The following ERLIN1 variants were observed in gnomAD, a reference collection of about 807,000 sequenced individuals.
The protein encoded by ERLIN1 is ER lipid raft associated 1.
A neutral mutation model predicts 46.9 loss-of-function variants in ERLIN1; 24 were observed. The observed-to-expected ratio is 0.51, with a 90% CI of 0.37 to 0.72. The LOEUF is 0.72. Among genes scored for constraint, ERLIN1 ranks in the 30% least tolerant of loss-of-function variants. The pLI is 0.00. For synonymous variants in ERLIN1, 158 were observed against 143.2 expected, an observed-to-expected ratio of 1.10 and a Z score of -0.74; for missense variants, 293 against 417.9, an observed-to-expected ratio of 0.70 and a Z score of 2.61.
rs1304672081 is a variant in ERLIN1 at position 100,164,000 on chromosome 10, G to A, written c.655+4C>T. 1 of 1,581,470 alleles carries A rather than the reference G, an allele frequency of 6.3e-7. No individual in the cohort carries two copies. The highest frequency in any genetic ancestry group is 8.7e-7 in the Non-Finnish European group (1 of 1,151,122). On this transcript the variant is annotated splice_donor_region_variant and intron_variant, in intron 8 of 10. Transcript: ENST00000421367. ...AGACAATCATTTCAGAGAAATCCAA[G>A]TACCTATAACTGCCTTTTTCCTCTC... is the stretch of plus-strand genomic sequence containing the variant.
chr10:100,157,459 T>C (rs1843138382), intron 8 of ERLIN1, among the ~76,000 whole-genome samples: 1 of 152,254 alleles, frequency 6.6e-6, no homozygotes, highest in Non-Finnish European at 1.5e-5. Flanking sequence ...ATCACTGCTA[T>C]TCTTAAAGAA....
rs1459655017 is a variant in ERLIN1 at position 100,178,152 on chromosome 10, A to G, written c.285T>C (p.Asn95=). 3 of 1,581,196 alleles carry G rather than the reference A, an allele frequency of 1.9e-6. No individual in the cohort carries two copies. The highest frequency in any genetic ancestry group is 2.6e-6 in the Non-Finnish European group (3 of 1,161,804). The stretch of plus-strand genomic sequence containing the variant: ...ACATACCTGCATAAGGAGCCAACAT[A>G]TTAACCACTTCTATTCGGTCAATAT... ...MIYIDRIEVV[N]MLAPYAVFDI... Residue 95 remains asparagine (N), a synonymous_variant, in exon 4 of 11, where the codon AAT becomes AAC. Transcript: ENST00000421367.
intron 1 of ERLIN1, 147 bp from the exon 2 acceptor site, chr10:100,183,984 C>G: frequency 1.7e-6 from 1 of 605,450 alleles, no homozygotes; most frequent in Non-Finnish European, 2.9e-6. Flanking sequence ...TGAACAACTG[C>G]TTAAAATACC....
chr10:100,151,915 A>C lies in ERLIN1; in HGVS notation c.*216T>G, dbSNP rs1285868434. ...TGAGTAGCAGTTTAGAAAGGAATAC[A>C]TATAGGATACTTGATAAGACTGTGG... On this transcript the variant is annotated 3_prime_UTR_variant, in exon 11 of 11. Transcript: ENST00000421367. 1.7e-6 allele frequency: 1 copy of C among 601,120 alleles called. No homozygotes were observed. The highest frequency in any genetic ancestry group is 1.8e-5 in the African/African-American group (1 of 54,298). 37.2% of individuals were successfully genotyped at this position (601,120 alleles called of 1,614,324 possible).
chr10:100,178,306 C>G, intron 3 of ERLIN1, 112 bp from the exon 4 acceptor site: 2 of 663,450 alleles, frequency 3.0e-6, no homozygotes, highest in Non-Finnish European at 5.1e-6. Context: ...ACTTAAAACA[C>G]AGAAAGAGTT....
intron 4 of ERLIN1, among the ~76,000 whole-genome samples, chr10:100,176,300 A>G (rs1360407165): frequency 6.6e-6 from 1 of 152,202 alleles, no homozygotes; most frequent in African/African-American, 2.4e-5. Context: ...TTAGCCCATC[A>G]AACAGGGGCT....
intron 7 of ERLIN1, among the ~76,000 whole-genome samples, chr10:100,164,607 G>A (rs1475114880): frequency 1.3e-5 from 2 of 152,204 alleles, no homozygotes; most frequent in Non-Finnish European, 2.9e-5. Flanking sequence ...TAGTTATTAG[G>A]TAGTAAACTG....
intron 10 of ERLIN1, among the ~76,000 whole-genome samples, chr10:100,154,332 T>G (rs1842962366): frequency 1.3e-5 from 2 of 152,004 alleles, no homozygotes; most frequent in South Asian, 4.1e-4. Flanking sequence ...AAACAAGGAG[T>G]ACTCAACAAG....
chr10:100,183,867 T>G, intron 1 of ERLIN1, 30 bp from the exon 2 acceptor site: 1 of 1,495,602 alleles, frequency 6.7e-7, no homozygotes. Context: ...TTTGACAAAA[T>G]TATAAAAAGA....
At chr10:100,153,687 G>A (rs1360030296) in intron 10 of ERLIN1, among the ~76,000 whole-genome samples, 1 of 152,112 alleles carries the variant, frequency 6.6e-6, no homozygotes, top group South Asian at 2.1e-4. Flanking sequence ...TTTTAATATA[G>A]GTTAGTATCT....
intron 1 of ERLIN1, among the ~76,000 whole-genome samples, chr10:100,185,235 A>C (rs903256970): frequency 3.3e-5 from 5 of 152,318 alleles, no homozygotes; most frequent in Admixed American, 3.3e-4. Flanking sequence ...TAGAGTGACT[A>C]CTTCCTTTCT....
chr10:100,162,634 G>A (rs1415083594), intron 8 of ERLIN1, among the ~76,000 whole-genome samples: 1 of 152,076 alleles, frequency 6.6e-6, no homozygotes, highest in African/African-American at 2.4e-5. Context: ...TTCAATTTAT[G>A]AGGAACCAAT....
At chr10:100,156,319 C>T in intron 8 of ERLIN1, 85 bp from the exon 9 acceptor site, 1 of 775,808 alleles carries the variant, frequency 1.3e-6, no homozygotes, top group Middle Eastern at 2.3e-4. Context: ...CACAGTCTAA[C>T]ATTTAATTAC....
rs1842823865 is a variant in ERLIN1, at chr10:100,152,002, G to C, written c.*129C>G. The C allele has an allele frequency of 1.4e-6, 1 of 725,308 alleles. No homozygotes were observed. Among genetic ancestry groups the C allele is most frequent in the Non-Finnish European group, 2.5e-6 (1 of 400,534 alleles). 44.9% of individuals were successfully genotyped at this position (725,308 alleles called of 1,614,324 possible). A position where few individuals can be genotyped will look rare whatever the true frequency, so the allele number is the denominator to read the frequency against. On this transcript the variant is annotated 3_prime_UTR_variant, in exon 11 of 11. Coordinates refer to ENST00000421367, the MANE Select transcript of ERLIN1 (RefSeq NM_006459.4). ...ATCCTCCAATCAGTGGAGCACCCAGGACTATCGCAGGAGAGGTGGAACAGA... is the reference window on the plus strand; with the variant it reads ...ATCCTCCAATCAGTGGAGCACCCAGCACTATCGCAGGAGAGGTGGAACAGA...
chr10:100,179,290 T>C, intron 2 of ERLIN1, 43 bp from the exon 3 acceptor site: 6 of 1,465,474 alleles, frequency 4.1e-6, no homozygotes, highest in Non-Finnish European at 5.7e-6. Context: ...AGACACACAT[T>C]GTCAAAAAAC....
chr10:100,178,812 A>C (rs951324479), intron 3 of ERLIN1, among the ~76,000 whole-genome samples: 5 of 152,250 alleles, frequency 3.3e-5, no homozygotes, highest in African/African-American at 1.2e-4. Flanking sequence ...ACTAAGCTTT[A>C]AAGTGTCAAT....
intron 7 of ERLIN1, among the ~76,000 whole-genome samples, chr10:100,165,498 T>C (rs1044111849): frequency 1.3e-5 from 2 of 151,352 alleles, no homozygotes; most frequent in African/African-American, 4.9e-5. Context: ...GCCATTCTCC[T>C]GCCTCAGCCT....
Position 100,177,657 on chromosome 10 carries a change from A to G in ERLIN1, c.304+476T>C, listed in dbSNP as rs74923461. 4.9e-3 allele frequency among the ~76,000 whole-genome samples: 752 copies of G among 152,360 alleles called. 18 individuals carry two copies. In the East Asian group the frequency reaches 0.059, roughly 12 times the overall value. ...TTCTAATTAAGTTTTTGATTACAAC[A>G]GTACCTACCCACCCCATACCTGTAG... is the stretch of plus-strand genomic sequence containing the variant. On this transcript the variant is annotated intron_variant, in intron 4 of 10. Transcript: ENST00000421367.
At chr10:100,176,154 G>GAT in intron 4 of ERLIN1, 84 bp from the exon 5 acceptor site, 1 of 1,225,196 alleles carries the variant, frequency 8.2e-7, no homozygotes, top group Non-Finnish European at 1.1e-6. Flanking sequence ...AAGTCAGGGT[G>GAT]ATATATTACA....
Sources: allele counts gnomAD v4.1 joint callset (sites outside exome capture counted in the v4.1 genomes callset), GRCh38; gene constraint gnomAD v4.1.1; transcripts MANE v1.5; gene names NCBI Gene and HGNC (gene_info 2026-07-23, HGNC 2026-07-21).